The following BICC1 variants were observed in gnomAD, a reference collection of about 807,000 sequenced individuals.
BICC1 encodes BicC family RNA binding protein 1, also known as protein bicaudal C homolog 1.
A neutral mutation model predicts 111.0 loss-of-function variants in BICC1; 43 were observed. That is an observed-to-expected ratio of 0.39 (90% CI 0.30 to 0.50). The LOEUF (loss-of-function observed/expected upper bound fraction) is 0.50, where lower values mean the gene tolerates loss of function less well. BICC1 is among the 20% of genes least tolerant of loss of function. BICC1 has a pLI of 0.88. For missense variants in BICC1, 1,091 were observed against 1,203.2 expected (o/e 0.91, Z 1.38); for synonymous variants, 467 against 434.4 (o/e 1.07, Z -0.93).
At chr10:58,579,134 C>G (rs1403108974) in intron 1 of BICC1, among the ~76,000 whole-genome samples, 1 of 152,274 alleles carries the variant, frequency 6.6e-6, no homozygotes, top group Non-Finnish European at 1.5e-5. Flanking sequence ...TGAAGCCCCA[C>G]TGGGACCTAA....
At chr10:58,579,410 T>G (rs1267793900) in intron 1 of BICC1, among the ~76,000 whole-genome samples, 1 of 152,222 alleles carries the variant, frequency 6.6e-6, no homozygotes, top group Non-Finnish European at 1.5e-5. Context: ...TAGAATTGTC[T>G]TCACCAAAGG....
intron 1 of BICC1, among the ~76,000 whole-genome samples, chr10:58,553,522 G>A (rs1843357418): frequency 6.6e-6 from 1 of 151,994 alleles, no homozygotes. Context: ...AATCCATTTT[G>A]GACTTCTGAC....
At chr10:58,521,516 A>G (rs1241030626) in intron 1 of BICC1, among the ~76,000 whole-genome samples, 2 of 152,070 alleles carry the variant, frequency 1.3e-5, no homozygotes, top group Non-Finnish European at 2.9e-5. Context: ...TCAATTTTGC[A>G]AAATTATTTT....
intron 3 of BICC1, among the ~76,000 whole-genome samples, chr10:58,758,031 A>T (rs1431341581): frequency 2.0e-5 from 3 of 152,172 alleles, no homozygotes; most frequent in Non-Finnish European, 2.9e-5. Context: ...TAACATACTG[A>T]CACTTAACAC....
chr10:58,641,925 G>A (rs1319150228), intron 2 of BICC1, among the ~76,000 whole-genome samples: 3 of 152,224 alleles, frequency 2.0e-5, no homozygotes, highest in East Asian at 3.9e-4. Context: ...TGTACCTAAC[G>A]TTGCTATTTT....
At chr10:58,769,805 C>G (rs1424869890) in intron 3 of BICC1, among the ~76,000 whole-genome samples, 1 of 151,894 alleles carries the variant, frequency 6.6e-6, no homozygotes, top group Non-Finnish European at 1.5e-5. Context: ...ATTTTACCAG[C>G]TAGGGAGCTG....
Position 58,798,465 on chromosome 10 carries a change from T to C in BICC1, c.1433T>C (p.Leu478Pro). ...ACCCCAAACTCACTCTTGAATGCTCTTAATAGCTCAGTCAGTCCTTTGCAA... is the reference window on the plus strand; with the variant it reads ...ACCCCAAACTCACTCTTGAATGCTCCTAATAGCTCAGTCAGTCCTTTGCAA... The part of the protein sequence containing the change: ...STTPNSLLNA[L>P]NSSVSPLQSP... The change falls in exon 11 of 21, where the codon CTT (leucine) becomes CCT (proline). Residue 478 changes from leucine to proline, a missense_variant. By Grantham distance (98) the Leu-to-Pro change is moderately conservative. Transcript: ENST00000373886. The C allele has an allele frequency of 6.2e-7, 1 of 1,613,530 alleles. No homozygotes were observed. The highest frequency in any genetic ancestry group is 8.5e-7 in the Non-Finnish European group (1 of 1,179,714).
At chr10:58,567,367 G>C (rs1843800172) in intron 1 of BICC1, among the ~76,000 whole-genome samples, 1 of 151,934 alleles carries the variant, frequency 6.6e-6, no homozygotes, top group Non-Finnish European at 1.5e-5. Flanking sequence ...AAGTTATGAA[G>C]AGAAAGAAAA....
rs145960427 is a variant in BICC1, at chr10:58,828,794, C to A, written c.2828C>A (p.Ser943Ter). The change falls in exon 21 of 21, where the codon TCG becomes TAG. Residue 943 changes from serine to a stop codon, truncating the protein, a stop_gained. Coordinates refer to ENST00000373886, the MANE Select transcript of BICC1 (RefSeq NM_001080512.3). LOFTEE classifies it high-confidence loss of function. ...LNKNRRKLFE[S>*]PNARTSFLEG... ...AAAAACCGAAGAAAGCTTTTTGAAT[C>A]GCCAAATGCACGCACCTCTTTCCTG... The A allele has an allele frequency of 1.2e-6, 2 of 1,613,678 alleles. No individual in the cohort carries two copies. Among genetic ancestry groups the A allele is most frequent in the Non-Finnish European group, 8.5e-7 (1 of 1,179,780 alleles).
intron 13 of BICC1, 69 bp from the exon 14 acceptor site, chr10:58,800,821 T>C (rs1352032642): frequency 6.9e-7 from 1 of 1,443,020 alleles, no homozygotes; most frequent in African/African-American, 1.4e-5. Flanking sequence ...TTGTTTCCAT[T>C]GCAGATAATT....
chr10:58,607,916 C>G (rs1012560736), intron 1 of BICC1, among the ~76,000 whole-genome samples: 2 of 152,128 alleles, frequency 1.3e-5, no homozygotes, highest in African/African-American at 4.8e-5. Context: ...AACCCAGGAG[C>G]AATCTTGAAC....
intron 8 of BICC1, 66 bp downstream of exon 8, chr10:58,789,999 A>G: frequency 6.5e-7 from 1 of 1,547,174 alleles, no homozygotes. Context: ...ATGTTTTTCC[A>G]TCCACTGTAC....
chr10:58,782,103 GT>G (rs1471396113), intron 3 of BICC1, among the ~76,000 whole-genome samples: 1 of 152,140 alleles, frequency 6.6e-6, no homozygotes, highest in African/African-American at 2.4e-5. Flanking sequence ...TTGAATGAAA[GT>G]GTATTTTCTG....
In BICC1 at chr10:58,800,986, T is replaced by C; in HGVS notation, c.1955T>C (p.Val652Ala). Residue 652 changes from valine (V) to alanine (A), a missense_variant, in exon 14 of 21, where the codon GTT becomes GCT. By Grantham distance (64) the Val-to-Ala change is moderately conservative. Transcript: ENST00000373886. Reference sequence around the variant, plus strand: ...AAACAGATGATGTGTCCCTCCAAGGTTTCCTGTGCCAAAAGGCAGACAGTG... The same window carrying C: ...AAACAGATGATGTGTCCCTCCAAGGCTTCCTGTGCCAAAAGGCAGACAGTG... ...DLKQMMCPSK[V>A]SCAKRQTVEL... is the part of the protein sequence containing the mutation. The C allele has an allele frequency of 2.5e-6, 4 of 1,612,672 alleles. No individual in the cohort carries two copies. The South Asian group carries it at 3.3e-5, about 13-fold the overall frequency.
intron 3 of BICC1, among the ~76,000 whole-genome samples, chr10:58,778,706 G>A (rs1842810228): frequency 6.6e-6 from 1 of 152,148 alleles, no homozygotes; most frequent in Non-Finnish European, 1.5e-5. Flanking sequence ...AGGGTCAACT[G>A]TATTTAGTAT....
intron 3 of BICC1, among the ~76,000 whole-genome samples, chr10:58,775,913 G>A (rs1461447311): frequency 6.6e-6 from 1 of 152,304 alleles, no homozygotes; most frequent in Admixed American, 6.5e-5. Flanking sequence ...AGCACACAGA[G>A]TCAATTGAAC....
intron 17 of BICC1, among the ~76,000 whole-genome samples, chr10:58,810,308 T>C (rs1003484562): frequency 6.6e-6 from 1 of 152,162 alleles, no homozygotes; most frequent in African/African-American, 2.4e-5. Context: ...GCCTGCCCCA[T>C]CATCCTGGCT....
chr10:58,664,367 G>C (rs965862929), intron 2 of BICC1, among the ~76,000 whole-genome samples: 1 of 152,150 alleles, frequency 6.6e-6, no homozygotes, highest in Admixed American at 6.5e-5. Context: ...TGAAGTATAT[G>C]TTTGAGATTT....
chr10:58,745,811 T>C (rs2132624176), intron 3 of BICC1, among the ~76,000 whole-genome samples: 1 of 152,032 alleles, frequency 6.6e-6, no homozygotes, highest in East Asian at 1.9e-4. Context: ...TTAGCAACCT[T>C]AATTACCTTT....
Sources: gnomAD v4.1 joint callset for allele counts (sites outside exome capture counted in the v4.1 genomes callset) on GRCh38, gnomAD v4.1.1 for gene constraint, MANE v1.5 for transcripts, NCBI Gene and HGNC (gene_info 2026-07-23, HGNC 2026-07-21) for gene names.